Variants in ITGB6 observed in about 807,000 individuals in gnomAD.
The protein encoded by ITGB6 is integrin subunit beta 6.
Under a neutral mutation model 84.5 loss-of-function variants are expected in ITGB6, and 80 were observed. The ratio of observed to expected loss-of-function variants is 0.95; its 90% CI spans 0.79 to 1.14. ITGB6 has a LOEUF of 1.14. Ranked by LOEUF, ITGB6 falls within the 50% of genes most tolerant of loss-of-function variation. ITGB6 has a pLI of 0.00. For missense variants in ITGB6, 1,006 were observed against 968.0 expected (o/e 1.04, Z -0.52); for synonymous variants, 383 against 354.9 (o/e 1.08, Z -0.89).
intron 7 of ITGB6, among the ~76,000 whole-genome samples, chr2:160,156,013 A>T (rs558669189): frequency 2.6e-5 from 4 of 152,208 alleles, no homozygotes; most frequent in Non-Finnish European, 5.9e-5. Flanking sequence ...AAAGCTGAAC[A>T]TAAGCACACT....
intron 7 of ITGB6, among the ~76,000 whole-genome samples, chr2:160,156,589 C>T (rs889289904): frequency 6.6e-6 from 1 of 151,816 alleles, no homozygotes; most frequent in Non-Finnish European, 1.5e-5. Flanking sequence ...AACCTGCCTC[C>T]TACCACCACC....
At chr2:160,102,739 G>A (rs1045957943) in intron 14 of ITGB6, among the ~76,000 whole-genome samples, 3 of 152,116 alleles carry the variant, frequency 2.0e-5, no homozygotes, top group African/African-American at 7.2e-5. Flanking sequence ...AAGGTGTCTG[G>A]GTAAGGTACA....
chr2:160,128,190 T>G (rs1181916526), intron 10 of ITGB6, among the ~76,000 whole-genome samples: 2 of 151,534 alleles, frequency 1.3e-5, no homozygotes, highest in African/African-American at 4.9e-5. Flanking sequence ...CATAGGGGAA[T>G]AGTTTCCAAA....
At chr2:160,111,244 T>A (rs1214707218) in intron 13 of ITGB6, among the ~76,000 whole-genome samples, 2 of 152,166 alleles carry the variant, frequency 1.3e-5, no homozygotes, top group Non-Finnish European at 2.9e-5. Context: ...ATAGAATCAA[T>A]ACTGTAAGGG....
intron 2 of ITGB6, 109 bp from the exon 3 acceptor site, chr2:160,196,529 C>A: frequency 1.1e-6 from 1 of 876,232 alleles, no homozygotes. Flanking sequence ...AGTTAAGCAT[C>A]TTGCCATATT....
At chr2:160,153,363 G>C (rs1403547863) in intron 7 of ITGB6, among the ~76,000 whole-genome samples, 1 of 152,196 alleles carries the variant, frequency 6.6e-6, no homozygotes, top group Non-Finnish European at 1.5e-5. Context: ...AATAAATGGT[G>C]ATGGGAAAAC....
chr2:160,177,976 G>A (rs796308405), intron 4 of ITGB6, among the ~76,000 whole-genome samples: 9 of 152,284 alleles, frequency 5.9e-5, no homozygotes, highest in African/African-American at 2.2e-4. Flanking sequence ...CTAGGTTCAA[G>A]CCATTCTCCT....
At chr2:160,133,678 A>G (rs554013762) in intron 10 of ITGB6, among the ~76,000 whole-genome samples, 1 of 152,352 alleles carries the variant, frequency 6.6e-6, no homozygotes, top group South Asian at 2.1e-4. Flanking sequence ...CAGCAAATGT[A>G]AAAGAACAGA....
At chr2:160,197,268 C>T (rs1305172785) in intron 2 of ITGB6, among the ~76,000 whole-genome samples, 2 of 152,050 alleles carry the variant, frequency 1.3e-5, no homozygotes, top group African/African-American at 2.4e-5. Context: ...TGCACTCTAG[C>T]CTGGGCGACA....
In ITGB6 at chr2:160,179,428, G is replaced by A. The variant is rs1045153482; in HGVS notation, c.594-5289C>T. Among the ~76,000 whole-genome samples, 7 of 133,144 alleles carry A rather than the reference G, an allele frequency of 5.3e-5. No homozygotes were observed. In the East Asian group the frequency reaches 6.4e-4, roughly 12 times the overall value. 87.3% of individuals were successfully genotyped at this position (133,144 alleles called of 152,430 possible). ...TTTTGAGATGGACTCTCACTCTGTC[G>A]CCCAGGCTGGAATGCGGTGGTGCCA... On this transcript the variant is annotated intron_variant, in intron 4 of 14. Transcript: ENST00000283249.
intron 6 of ITGB6, 104 bp from the exon 7 acceptor site, chr2:160,169,411 C>CCTGTGAGCAT: frequency 1.6e-6 from 1 of 635,078 alleles, no homozygotes; most frequent in Non-Finnish European, 2.7e-6. Context: ...CATTTCAATG[C>CCTGTGAGCAT]TCACAGGCAT....
intron 7 of ITGB6, among the ~76,000 whole-genome samples, chr2:160,146,183 A>AT (rs1347846460): frequency 6.6e-6 from 1 of 152,024 alleles, no homozygotes; most frequent in Non-Finnish European, 1.5e-5. Flanking sequence ...GCTAGCGGCA[A>AT]TTTTTTCTTG....
Position 160,185,427 on chromosome 2 carries a change from A to G in ITGB6, c.593+9942T>C, listed in dbSNP as rs564856292. Among the ~76,000 whole-genome samples the G allele has an allele frequency of 1.7e-4, 26 of 152,342 alleles. 1 individual carries two copies. The East Asian group carries it at 4.4e-3, about 26-fold the overall frequency. On this transcript the variant is annotated intron_variant, in intron 4 of 14. Coordinates refer to ENST00000283249, the MANE Select transcript of ITGB6 (RefSeq NM_000888.5). ...AGGAATCCAACTTACAAGGGATGTG[A>G]AGGACCTCTTCAAGAACTACAAACC... is the stretch of plus-strand genomic sequence containing the variant.
chr2:160,173,279 T>C (rs1685289046), intron 5 of ITGB6, among the ~76,000 whole-genome samples: 1 of 152,254 alleles, frequency 6.6e-6, no homozygotes, highest in African/African-American at 2.4e-5. Flanking sequence ...AATTGTCTGT[T>C]GTTGGTGTTT....
At chr2:160,152,297 T>C (rs913734275) in intron 7 of ITGB6, among the ~76,000 whole-genome samples, 1 of 152,110 alleles carries the variant, frequency 6.6e-6, no homozygotes, top group Non-Finnish European at 1.5e-5. Flanking sequence ...GTTCAACATA[T>C]GCAAATCAAT....
At chr2:160,147,726 A>G (rs1684253975) in intron 7 of ITGB6, among the ~76,000 whole-genome samples, 2 of 152,238 alleles carry the variant, frequency 1.3e-5, no homozygotes, top group African/African-American at 4.8e-5. Flanking sequence ...ACAATGGAGC[A>G]AGGGTAGTCT....
intron 10 of ITGB6, among the ~76,000 whole-genome samples, chr2:160,127,745 C>T (rs192468184): frequency 3.3e-5 from 5 of 152,216 alleles, no homozygotes; most frequent in South Asian, 2.1e-4. Flanking sequence ...CCAGAAAGCA[C>T]GTAAAAGATA....
At chr2:160,131,280 G>A (rs1683458246) in intron 10 of ITGB6, among the ~76,000 whole-genome samples, 4 of 152,106 alleles carry the variant, frequency 2.6e-5, no homozygotes, top group Admixed American at 2.6e-4. Context: ...TCAAAATACA[G>A]GAGACTAATG....
intron 4 of ITGB6, among the ~76,000 whole-genome samples, chr2:160,183,211 A>G (rs1435075253): frequency 6.6e-6 from 1 of 152,228 alleles, no homozygotes; most frequent in African/African-American, 2.4e-5. Context: ...TTGGAGAAAG[A>G]GTCAAGACCC....
Sources: allele counts gnomAD v4.1 joint callset (sites outside exome capture counted in the v4.1 genomes callset), GRCh38; gene constraint gnomAD v4.1.1; transcripts MANE v1.5; gene names NCBI Gene and HGNC (gene_info 2026-07-23, HGNC 2026-07-21).